Variants in DPYD observed in about 807,000 individuals in gnomAD.
The protein encoded by DPYD is dihydropyrimidine dehydrogenase.
Under a neutral mutation model 116.2 loss-of-function variants are expected in DPYD, and 109 were observed. The ratio of observed to expected loss-of-function variants is 0.94; its 90% CI spans 0.80 to 1.10. The LOEUF (loss-of-function observed/expected upper bound fraction) is 1.10, where lower values mean the gene tolerates loss of function less well. DPYD is among the 50% of genes least tolerant of loss of function. The pLI, the probability that DPYD is intolerant of heterozygous loss-of-function variation, is 0.00. For missense variants in DPYD, 1,302 were observed against 1,254.5 expected, an observed-to-expected ratio of 1.04 and a Z score of -0.57; for synonymous variants, 440 against 432.0, an observed-to-expected ratio of 1.02 and a Z score of -0.23.
At chr1:97,379,464 T>C (rs1289154344) in intron 15 of DPYD, among the ~76,000 whole-genome samples, 1 of 152,118 alleles carries the variant, frequency 6.6e-6, no homozygotes, top group Non-Finnish European at 1.5e-5. Flanking sequence ...ACCCAGGAAT[T>C]TTGCCACTAG....
chr1:97,686,113 G>T (rs759655449), intron 7 of DPYD, among the ~76,000 whole-genome samples: 6 of 152,090 alleles, frequency 3.9e-5, no homozygotes, highest in Admixed American at 1.3e-4. Context: ...AAACAGCATG[G>T]TACTGGAAAA....
At chr1:97,763,005 A>T (rs1309705533) in intron 3 of DPYD, among the ~76,000 whole-genome samples, 3 of 152,106 alleles carry the variant, frequency 2.0e-5, no homozygotes, top group African/African-American at 7.2e-5. Context: ...GTCTCTACAG[A>T]GTCTAGCAAA....
At chr1:97,534,361 A>G (rs897111549) in intron 12 of DPYD, among the ~76,000 whole-genome samples, 4 of 152,164 alleles carry the variant, frequency 2.6e-5, no homozygotes, top group Admixed American at 2.6e-4. Flanking sequence ...GAGTTCTCTG[A>G]TAACTGGTAG....
chr1:97,661,576 T>C (rs1284755822), intron 8 of DPYD, among the ~76,000 whole-genome samples: 1 of 151,436 alleles, frequency 6.6e-6, no homozygotes, highest in Non-Finnish European at 1.5e-5. Context: ...TTTGATAAAA[T>C]AAAAAAAATA....
At chr1:97,145,672 G>A (rs1022527179) in intron 20 of DPYD, among the ~76,000 whole-genome samples, 9 of 151,738 alleles carry the variant, frequency 5.9e-5, no homozygotes, top group Middle Eastern at 3.5e-3. Flanking sequence ...TAATGAATGC[G>A]TGCTGCAGGG....
chr1:97,279,374 G>A (rs2100926615), intron 18 of DPYD, among the ~76,000 whole-genome samples: 1 of 152,238 alleles, frequency 6.6e-6, no homozygotes, highest in Non-Finnish European at 1.5e-5. Flanking sequence ...AGTTCAAGCA[G>A]GGAGGCACAG....
intron 18 of DPYD, chr1:97,295,759 A>T: frequency 3.0e-6 from 3 of 984,248 alleles, no homozygotes; most frequent in Non-Finnish European, 3.6e-6. Flanking sequence ...TGCCAGTGCT[A>T]CTGTAAGAGA....
At chr1:97,423,148 C>T (rs1469162996) in intron 14 of DPYD, among the ~76,000 whole-genome samples, 2 of 152,024 alleles carry the variant, frequency 1.3e-5, no homozygotes, top group African/African-American at 4.8e-5. Context: ...AAATGTTGGT[C>T]CTAGCAAGAG....
At chr1:97,393,005 C>T (rs1479284384) in intron 14 of DPYD, among the ~76,000 whole-genome samples, 1 of 152,008 alleles carries the variant, frequency 6.6e-6, no homozygotes, top group Non-Finnish European at 1.5e-5. Context: ...GTTATCCAGA[C>T]CACTAAAATG....
intron 12 of DPYD, chr1:97,545,823 G>T: frequency 3.1e-6 from 4 of 1,292,872 alleles, no homozygotes; most frequent in Non-Finnish European, 4.5e-6. Flanking sequence ...AGCAATTTAA[G>T]TCTCCCCTTC....
chr1:97,536,775 C>A (rs1381499046), intron 12 of DPYD, among the ~76,000 whole-genome samples: 3 of 152,192 alleles, frequency 2.0e-5, no homozygotes, highest in Non-Finnish European at 2.9e-5. Context: ...TGCCTCTTGG[C>A]TACCCATTCA....
At chr1:97,118,436 G>A (rs985728548) in intron 20 of DPYD, among the ~76,000 whole-genome samples, 1 of 151,306 alleles carries the variant, frequency 6.6e-6, no homozygotes, top group Non-Finnish European at 1.5e-5. Context: ...AACATACAAA[G>A]CCATTTAAAA....
chr1:97,530,369 C>A (rs942009071), intron 12 of DPYD, among the ~76,000 whole-genome samples: 1 of 151,916 alleles, frequency 6.6e-6, no homozygotes. Flanking sequence ...AGGCGCCCAC[C>A]ACCACGCCAG....
At chr1:97,779,300 AACACACACACACACAT>A (rs1666596537) in intron 3 of DPYD, among the ~76,000 whole-genome samples, 1 of 78,578 alleles carries the variant, frequency 1.3e-5, no homozygotes, top group Non-Finnish European at 2.8e-5. Context: ...TAATTTTGCA[AACACACACACACACAT>A]ACACACACAC....
chr1:97,592,338 T>C (rs1654579783), intron 10 of DPYD, among the ~76,000 whole-genome samples: 1 of 152,182 alleles, frequency 6.6e-6, no homozygotes, highest in African/African-American at 2.4e-5. Context: ...CACCAGTCAC[T>C]GGTAAGAATG....
chr1:97,526,951 T>C (rs1043893835), intron 12 of DPYD, among the ~76,000 whole-genome samples: 7 of 152,222 alleles, frequency 4.6e-5, no homozygotes, highest in African/African-American at 1.4e-4. Context: ...ATTATTCTCC[T>C]ATTGAAGATG....
intron 3 of DPYD, among the ~76,000 whole-genome samples, chr1:97,783,053 T>C (rs1666842742): frequency 1.3e-5 from 2 of 152,244 alleles, no homozygotes; most frequent in African/African-American, 2.4e-5. Flanking sequence ...ATAATCCCTG[T>C]GTTACTCATC....
intron 18 of DPYD, among the ~76,000 whole-genome samples, chr1:97,292,025 A>AT (rs1035121325): frequency 6.6e-6 from 1 of 151,870 alleles, no homozygotes; most frequent in Admixed American, 6.6e-5. Context: ...ATTAGGTTTT[A>AT]TTTTTTTTCC....
At chr1:97,103,172 T>C (rs1165062428) in intron 20 of DPYD, among the ~76,000 whole-genome samples, 2 of 152,098 alleles carry the variant, frequency 1.3e-5, no homozygotes, top group Non-Finnish European at 2.9e-5. Context: ...GCACAGGAGA[T>C]AGAGATGAGA....
Sources: allele counts gnomAD v4.1 joint callset (sites outside exome capture counted in the v4.1 genomes callset), GRCh38; gene constraint gnomAD v4.1.1; transcripts MANE v1.5; gene names NCBI Gene and HGNC (gene_info 2026-07-23, HGNC 2026-07-21).